FMN1: variants seen among roughly 807,000 people sequenced by gnomAD.
FMN1 encodes the protein formin 1, also known as formin-1.
A neutral mutation model predicts 132.4 loss-of-function variants in FMN1; 110 were observed. The ratio of observed to expected loss-of-function variants is 0.83; its 90% CI spans 0.71 to 0.97. The LOEUF (loss-of-function observed/expected upper bound fraction) is 0.97. Among genes scored for constraint, FMN1 ranks in the 50% least tolerant of loss-of-function variants. FMN1 has a pLI of 0.00. For synonymous variants in FMN1, 722 were observed against 651.7 expected (o/e 1.11, Z -1.64); for missense variants, 1,792 against 1,705.3 (o/e 1.05, Z -0.90).
At chr15:33,126,480 C>G (rs1232510893) in intron 4 of FMN1, among the ~76,000 whole-genome samples, 2 of 152,150 alleles carry the variant, frequency 1.3e-5, no homozygotes, top group Non-Finnish European at 2.9e-5. Context: ...AAAATTTTTT[C>G]AAGACAGACC....
chr15:32,859,653 C>T (rs1323877450), intron 16 of FMN1, among the ~76,000 whole-genome samples: 3 of 152,236 alleles, frequency 2.0e-5, no homozygotes, highest in African/African-American at 7.2e-5. Flanking sequence ...AAAGTCCATA[C>T]ATTAATCCCT....
At chr15:32,888,110 C>G in intron 16 of FMN1, 62 bp downstream of exon 16, 2 of 1,436,396 alleles carry the variant, frequency 1.4e-6, no homozygotes, top group Non-Finnish European at 1.9e-6. Context: ...AAATAATCCT[C>G]TTAAAACATT....
intron 4 of FMN1, among the ~76,000 whole-genome samples, chr15:33,107,820 T>G (rs2039544422): frequency 6.6e-6 from 1 of 152,148 alleles, no homozygotes; most frequent in Non-Finnish European, 1.5e-5. Context: ...GGTTTTCTTC[T>G]GTATATAGGT....
intron 19 of FMN1, among the ~76,000 whole-genome samples, chr15:32,797,234 T>C (rs1156295379): frequency 6.6e-6 from 1 of 152,218 alleles, no homozygotes. Context: ...AAGCAATTAA[T>C]TGCCTTCTCT....
At chr15:32,798,763 G>C (rs756192882) in intron 19 of FMN1, 41 bp downstream of exon 19, 76 of 1,553,586 alleles carry the variant, frequency 4.9e-5, no homozygotes, top group Non-Finnish European at 6.4e-5. Flanking sequence ...CAGTTTCCTA[G>C]GCTCCTGAAG....
intron 9 of FMN1, among the ~76,000 whole-genome samples, chr15:32,956,371 TTA>T (rs2061768991): frequency 8.0e-6 from 1 of 124,644 alleles, no homozygotes. Context: ...TTTTTTTTTT[TTA>T]AAAAAATAAG....
chr15:32,943,529 T>C (rs1321416637), intron 9 of FMN1, among the ~76,000 whole-genome samples: 2 of 152,160 alleles, frequency 1.3e-5, no homozygotes, highest in African/African-American at 2.4e-5. Context: ...GGCTTCCAAA[T>C]AGATAAAGGT....
intron 8 of FMN1, among the ~76,000 whole-genome samples, chr15:32,965,193 T>C (rs1166489085): frequency 1.3e-5 from 2 of 151,656 alleles, no homozygotes. Flanking sequence ...GGGTCAGGAG[T>C]TCAAGACCAG....
intron 7 of FMN1, among the ~76,000 whole-genome samples, chr15:33,005,446 T>C (rs914690070): frequency 1.3e-5 from 2 of 152,226 alleles, no homozygotes; most frequent in Non-Finnish European, 2.9e-5. Context: ...GTCTAACCTG[T>C]ATTTTAAGTG....
intron 5 of FMN1, chr15:33,067,780 C>G (rs1280175347): frequency 1.2e-6 from 2 of 1,613,904 alleles, no homozygotes; most frequent in Non-Finnish European, 1.7e-6. Context: ...ATAGGGATTT[C>G]ATAGAGAACT....
At chr15:33,068,697 GCCCGTGAGGGATAA>G (rs558320296) in intron 5 of FMN1, among the ~76,000 whole-genome samples, 118 of 152,068 alleles carry the variant, frequency 7.8e-4, no homozygotes, top group Admixed American at 2.2e-3. Flanking sequence ...AGCTCCTAAA[GCCCGTGAGGGATAA>G]CCCACACGAC....
chr15:32,798,900 T>G lies in FMN1; in HGVS notation c.4034A>C (p.Glu1345Ala), dbSNP rs1484002985. The stretch of plus-strand genomic sequence containing the variant: ...CATAAACACGTAGCTGGGTGTGATC[T>G]CCTTCTCACCAGACTTTGGCTTCAT... ...FGMKPKSGEK[E>A]ITPSYVFMVW... The change falls in exon 19 of 21, where the codon GAG becomes GCG. Residue 1345 changes from glutamate to alanine, a missense_variant. Transcript: ENST00000616417. 12 of 1,612,130 alleles carry G rather than the reference T, an allele frequency of 7.4e-6. No individual in the cohort carries two copies. Among genetic ancestry groups the G allele is most frequent in the Non-Finnish European group, 9.3e-6 (11 of 1,178,742 alleles).
At chr15:33,053,614 G>A (rs745879117) in intron 6 of FMN1, among the ~76,000 whole-genome samples, 2 of 152,216 alleles carry the variant, frequency 1.3e-5, no homozygotes, top group African/African-American at 4.8e-5. Flanking sequence ...ACAAACTTCG[G>A]TGTTCCCACA....
chr15:32,898,911 A>G lies in FMN1; in HGVS notation c.3655-18T>C. On this transcript the variant is annotated intron_variant, in intron 14 of 20. Transcript: ENST00000616417. ...CCATTATCCTAGGTTTAAAAGAGAA[A>G]TGTACATGAAAATCATTCCCATGAG... The G allele has an allele frequency of 1.3e-6, 2 of 1,526,498 alleles. No individual in the cohort carries two copies. Among genetic ancestry groups the G allele is most frequent in the Non-Finnish European group, 1.8e-6 (2 of 1,103,636 alleles). The allele number at this position is 1,526,498 out of a possible 1,614,324, so 94.6% of individuals were successfully genotyped here. A position where few individuals can be genotyped will look rare whatever the true frequency, so the allele number is the denominator to read the frequency against.
chr15:32,825,023 GCTC>G (rs1334758628), intron 17 of FMN1, among the ~76,000 whole-genome samples: 1 of 152,114 alleles, frequency 6.6e-6, no homozygotes, highest in Non-Finnish European at 1.5e-5. Context: ...CTGGGATTTG[GCTC>G]CTCCTTTTGT....
chr15:32,811,889 C>G (rs537190019), intron 17 of FMN1, among the ~76,000 whole-genome samples: 10 of 152,078 alleles, frequency 6.6e-5, no homozygotes, highest in African/African-American at 2.4e-4. Context: ...CTCAAGTGAT[C>G]CACCCACCTC....
intron 4 of FMN1, chr15:33,149,739 T>G (rs567425842): frequency 5.4e-4 from 523 of 966,908 alleles, no homozygotes; most frequent in Non-Finnish European, 6.1e-4. Context: ...ACATACTTTC[T>G]GTAGTAACCT....
intron 16 of FMN1, among the ~76,000 whole-genome samples, chr15:32,870,695 T>G (rs961736009): frequency 6.6e-6 from 1 of 152,138 alleles, no homozygotes; most frequent in South Asian, 2.1e-4. Context: ...GCATGAAACA[T>G]ATTCATTAAT....
Position 33,055,486 on chromosome 15 carries a change from G to C in FMN1, c.2161+9471C>G, listed in dbSNP as rs552502305. On this transcript the variant is annotated intron_variant, in intron 6 of 20. Transcript: ENST00000616417. ...TAAGACAGTGTGAAACTGGTACAAG[G>C]CTAGACAAAGCTACAGAACAGTGGA... Among the ~76,000 whole-genome samples the C allele has an allele frequency of 6.6e-4, 100 of 152,270 alleles. 2 individuals carry two copies. The South Asian group carries it at 0.019, about 29-fold the overall frequency.
Sources: allele counts gnomAD v4.1 joint callset (sites outside exome capture counted in the v4.1 genomes callset), GRCh38; gene constraint gnomAD v4.1.1; transcripts MANE v1.5; gene names NCBI Gene and HGNC (gene_info 2026-07-23, HGNC 2026-07-21).